PRKG1: variants seen among roughly 807,000 people sequenced by gnomAD.
The protein encoded by PRKG1 is cGMP-dependent protein kinase 1.
A neutral mutation model predicts 88.1 loss-of-function variants in PRKG1; 35 were observed. The ratio of observed to expected loss-of-function variants is 0.40; its 90% CI spans 0.30 to 0.53. PRKG1 has a LOEUF of 0.53. Ranked by LOEUF, PRKG1 falls within the 20% of genes least tolerant of loss-of-function variation. The pLI is 0.59. For synonymous variants in PRKG1, 303 were observed against 292.5 expected (o/e 1.04, Z -0.37); for missense variants, 540 against 839.8 (o/e 0.64, Z 4.41).
chr10:52,229,573 AG>A (rs1222010960), intron 9 of PRKG1, among the ~76,000 whole-genome samples: 1 of 152,192 alleles, frequency 6.6e-6, no homozygotes, highest in Non-Finnish European at 1.5e-5. Flanking sequence ...GTCCTCAGAG[AG>A]GACATCTCAG....
At chr10:51,069,580 G>A (rs10995547), upstream of PRKG1, among the ~76,000 whole-genome samples, 20,204 of 151,858 alleles carry the variant, frequency 0.13, 3,160 homozygotes, top group African/African-American at 0.38. Context: ...AGACAGTTCC[G>A]GTTGTGCATT....
At position 52,033,825 on chromosome 10, in the gene PRKG1, C is replaced by T. The variant is rs148278509; in HGVS notation, c.763-20659C>T. On this transcript the variant is annotated intron_variant, in intron 5 of 17. Coordinates refer to ENST00000373980, the MANE Select transcript of PRKG1 (RefSeq NM_006258.4). ...GAGCAACATGGCTGTTTATTTCACCCGGGTGCAGGCGGACTGAGTCCGAAA... is the reference window on the plus strand; with the variant it reads ...GAGCAACATGGCTGTTTATTTCACCTGGGTGCAGGCGGACTGAGTCCGAAA... 4.1e-3 allele frequency among the ~76,000 whole-genome samples: 627 copies of T among 152,046 alleles called. 6 individuals carry two copies. The highest frequency in any genetic ancestry group is 0.014 in the African/African-American group (596 of 41,436).
chr10:51,283,504 T>G (rs1160733151), intron 2 of PRKG1, among the ~76,000 whole-genome samples: 1 of 152,150 alleles, frequency 6.6e-6, no homozygotes, highest in Non-Finnish European at 1.5e-5. Context: ...TTTTGTGCTT[T>G]TAATCAATTT....
At chr10:51,555,167 G>T (rs1214508933) in intron 3 of PRKG1, among the ~76,000 whole-genome samples, 2 of 151,740 alleles carry the variant, frequency 1.3e-5, no homozygotes, top group South Asian at 4.2e-4. Context: ...TATGCTTTAT[G>T]GCTCTCCAGT....
chr10:51,643,279 A>AAAC (rs1396293384), intron 3 of PRKG1, among the ~76,000 whole-genome samples: 2 of 152,214 alleles, frequency 1.3e-5, no homozygotes, highest in Non-Finnish European at 2.9e-5. Flanking sequence ...TAATAAAAAC[A>AAAC]AACTATTTTT....
chr10:51,974,357 C>A (rs930165570), intron 5 of PRKG1, among the ~76,000 whole-genome samples: 1 of 152,114 alleles, frequency 6.6e-6, no homozygotes, highest in African/African-American at 2.4e-5. Flanking sequence ...TGCTTACACT[C>A]CTCCCCACCC....
At chr10:52,113,584 T>C (rs1847617680) in intron 7 of PRKG1, among the ~76,000 whole-genome samples, 1 of 152,090 alleles carries the variant, frequency 6.6e-6, no homozygotes, top group Non-Finnish European at 1.5e-5. Context: ...TCTGATGAAG[T>C]GGTGTAACTG....
At chr10:52,208,596 A>G (rs1174943160) in intron 9 of PRKG1, among the ~76,000 whole-genome samples, 1 of 152,192 alleles carries the variant, frequency 6.6e-6, no homozygotes, top group Non-Finnish European at 1.5e-5. Flanking sequence ...CAGAGCTAAC[A>G]CTAGGACACT....
intron 5 of PRKG1, among the ~76,000 whole-genome samples, chr10:51,928,171 G>A (rs891584874): frequency 6.6e-5 from 10 of 152,104 alleles, no homozygotes; most frequent in Non-Finnish European, 1.2e-4. Context: ...GAAAGCTTGA[G>A]GTGGGAGAGA....
intron 3 of PRKG1, among the ~76,000 whole-genome samples, chr10:51,668,172 T>G (rs1330271250): frequency 1.3e-5 from 2 of 152,080 alleles, no homozygotes; most frequent in Non-Finnish European, 1.5e-5. Context: ...AGAGTCAAAT[T>G]TATTTATGCT....
At chr10:51,632,174 C>A (rs1327432130) in intron 3 of PRKG1, among the ~76,000 whole-genome samples, 2 of 151,790 alleles carry the variant, frequency 1.3e-5, no homozygotes, top group Admixed American at 1.3e-4. Flanking sequence ...CAAGACAGTT[C>A]TTCTTCTTCT....
chr10:51,484,194 C>T (rs1840456974), intron 3 of PRKG1, among the ~76,000 whole-genome samples: 1 of 152,100 alleles, frequency 6.6e-6, no homozygotes, highest in Admixed American at 6.6e-5. Flanking sequence ...TCAACCTGCA[C>T]TTGCCTTTTT....
chr10:52,047,500 A>T lies in PRKG1; in HGVS notation c.763-6984A>T, dbSNP rs74657138. Among the ~76,000 whole-genome samples, 580 of 152,254 alleles carry T rather than the reference A, an allele frequency of 3.8e-3. 12 individuals are homozygous for T. In the East Asian group the frequency reaches 0.063, roughly 17 times the overall value. On this transcript the variant is annotated intron_variant, in intron 5 of 17. Transcript: ENST00000373980. ...ATTTTACCTAAAACCTTATATTCCA[A>T]ACCACCAAAATCTAAGGATAGCAAT... is the stretch of plus-strand genomic sequence containing the variant.
In PRKG1 at chr10:51,824,481, G is replaced by C. The variant is rs150761877; in HGVS notation, c.698+19791G>C. Among the ~76,000 whole-genome samples the C allele has an allele frequency of 1.1e-3, 171 of 152,236 alleles. 2 individuals carry two copies. The highest frequency in any genetic ancestry group is 4.0e-3 in the African/African-American group (167 of 41,534). ...TTTTGTGGATATAGGCATAGCATAA[G>C]AATTAGTGGATTAATGTCTAACACA... On this transcript the variant is annotated intron_variant, in intron 4 of 17. Transcript: ENST00000373980.
At chr10:51,429,159 G>C (rs990570278) in intron 2 of PRKG1, among the ~76,000 whole-genome samples, 2 of 152,174 alleles carry the variant, frequency 1.3e-5, no homozygotes, top group Non-Finnish European at 2.9e-5. Flanking sequence ...CAACATGTTT[G>C]AGCACAACCT....
At chr10:51,569,204 C>G (rs1050664016) in intron 3 of PRKG1, among the ~76,000 whole-genome samples, 5 of 151,996 alleles carry the variant, frequency 3.3e-5, no homozygotes, top group African/African-American at 4.8e-5. Context: ...GACTAGAAGA[C>G]AGTAGAGACT....
At position 52,281,220 on chromosome 10, in the gene PRKG1, C is replaced by T. The variant is rs547637280; in HGVS notation, c.1545+290C>T. Among the ~76,000 whole-genome samples the T allele has an allele frequency of 3.6e-3, 544 of 152,230 alleles. 1 individual carries two copies. Among genetic ancestry groups the T allele is most frequent in the Non-Finnish European group, 5.6e-3 (380 of 68,000 alleles). On this transcript the variant is annotated intron_variant, in intron 13 of 17. Coordinates refer to ENST00000373980, the MANE Select transcript of PRKG1 (RefSeq NM_006258.4). ...TGTTTACATGCCCAGAAGTCCTTTT[C>T]TCCAGTCAGCTTTTTGCCATTCATA...
At chr10:51,026,133 C>T (rs1843202057) in intron 1 of PRKG1, among the ~76,000 whole-genome samples, 1 of 152,100 alleles carries the variant, frequency 6.6e-6, no homozygotes, top group Non-Finnish European at 1.5e-5. Flanking sequence ...AGGAGAGATG[C>T]ATGGAACAGG....
chr10:51,555,631 T>G (rs1265297514), intron 3 of PRKG1, among the ~76,000 whole-genome samples: 1 of 152,010 alleles, frequency 6.6e-6, no homozygotes, highest in Admixed American at 6.6e-5. Context: ...GAAGCACCAA[T>G]GAAACACTAA....
Sources: gnomAD v4.1 joint callset for allele counts (sites outside exome capture counted in the v4.1 genomes callset) on GRCh38, gnomAD v4.1.1 for gene constraint, MANE v1.5 for transcripts, NCBI Gene and HGNC (gene_info 2026-07-23, HGNC 2026-07-21) for gene names.